The following TRAK1 variants were observed in gnomAD, a reference collection of about 807,000 sequenced individuals.
The protein encoded by TRAK1 is trafficking kinesin-binding protein 1.
TRAK1 carries 33 observed loss-of-function variants against 92.1 expected under a neutral mutation model. The observed-to-expected ratio is 0.36, with a 90% CI of 0.27 to 0.48. The LOEUF (loss-of-function observed/expected upper bound fraction) is 0.48. TRAK1 is among the 20% of genes least tolerant of loss of function. The pLI, the probability that TRAK1 is intolerant of heterozygous loss-of-function variation, is 0.99. For missense variants in TRAK1, 1,123 were observed against 1,257.9 expected (o/e 0.89, Z 1.62); for synonymous variants, 521 against 517.3 (o/e 1.01, Z -0.10).
In TRAK1 at chr3:42,200,880, T is replaced by A; in HGVS notation, c.1253T>A (p.Leu418Gln). 1 of 1,614,176 alleles carries A rather than the reference T, an allele frequency of 6.2e-7. No homozygotes were observed. The highest frequency in any genetic ancestry group is 8.5e-7 in the Non-Finnish European group (1 of 1,180,026). ...NINQVVKQRS[L>Q]TPSPMNIPGS... is the part of the protein sequence containing the mutation. ...AACCAGGTTGTCAAGCAGAGATCTC[T>A]GACCCCTTCTCCCATGAACATCCCC... is the stretch of plus-strand genomic sequence containing the variant. The change falls in exon 12 of 16, where the codon CTG (leucine) becomes CAG (glutamine). Residue 418 changes from leucine to glutamine, a missense_variant. Coordinates refer to ENST00000327628, the MANE Select transcript of TRAK1 (RefSeq NM_001042646.3).
rs558031575 is a variant in TRAK1, at chr3:42,111,234, C to G, written c.92-14186C>G. Among the ~76,000 whole-genome samples, 16 of 152,306 alleles carry G rather than the reference C, an allele frequency of 1.1e-4. No individual in the cohort carries two copies. In the South Asian group the frequency reaches 3.3e-3, roughly 32 times the overall value. On this transcript the variant is annotated intron_variant, in intron 1 of 15. Coordinates refer to ENST00000327628, the MANE Select transcript of TRAK1 (RefSeq NM_001042646.3). Reference sequence around the variant, plus strand: ...CTGACTCCATCTTGCTCTTAACCTCCAAGCTGTCCTTATTCATTCCTGGAC... The same window carrying G: ...CTGACTCCATCTTGCTCTTAACCTCGAAGCTGTCCTTATTCATTCCTGGAC...
chr3:42,119,787 G>A (rs1469386322), intron 1 of TRAK1, among the ~76,000 whole-genome samples: 4 of 152,160 alleles, frequency 2.6e-5, no homozygotes, highest in East Asian at 1.9e-4. Flanking sequence ...CTGGTTGGCC[G>A]TGGGCCCAGC....
chr3:42,045,822 G>A (rs975857331), intron 1 of TRAK1, among the ~76,000 whole-genome samples: 2 of 152,194 alleles, frequency 1.3e-5, no homozygotes, highest in African/African-American at 2.4e-5. Flanking sequence ...ACCACCCTTA[G>A]CCAAGACTCT....
chr3:42,191,684 T>G (rs1356000178), intron 7 of TRAK1, 48 bp downstream of exon 7: 1 of 1,550,380 alleles, frequency 6.5e-7, no homozygotes, highest in Non-Finnish European at 8.7e-7. Flanking sequence ...TCTGCTGTCA[T>G]GATTAGACAG....
intron 1 of TRAK1, among the ~76,000 whole-genome samples, chr3:42,018,087 C>CCA (rs752540329): frequency 8.7e-6 from 1 of 114,302 alleles, no homozygotes; most frequent in South Asian, 3.0e-4. Flanking sequence ...CTCATTGTTA[C>CCA]AAAAAAAAAA....
At chr3:42,031,220 G>A (rs1180688738) in intron 1 of TRAK1, among the ~76,000 whole-genome samples, 1 of 151,230 alleles carries the variant, frequency 6.6e-6, no homozygotes, top group African/African-American at 2.4e-5. Context: ...TGTATTTTTA[G>A]TAGAGATGGG....
chr3:42,219,130 G>A, intron 14 of TRAK1: 1 of 985,414 alleles, frequency 1.0e-6, no homozygotes, highest in Non-Finnish European at 1.2e-6. Flanking sequence ...AGCAGCAAAA[G>A]AAGACAGCAG....
intron 2 of TRAK1, among the ~76,000 whole-genome samples, chr3:42,147,506 A>G (rs1699460018): frequency 6.6e-6 from 1 of 152,190 alleles, no homozygotes. Context: ...AATTTTAGCC[A>G]AAATTCATCA....
chr3:42,043,829 T>TG (rs1702653673), intron 1 of TRAK1, among the ~76,000 whole-genome samples: 1 of 151,232 alleles, frequency 6.6e-6, no homozygotes, highest in African/African-American at 2.4e-5. Context: ...GACCATGCTT[T>TG]GGTCTCTTAA....
intron 2 of TRAK1, among the ~76,000 whole-genome samples, chr3:42,135,225 G>A (rs940335456): frequency 3.3e-5 from 5 of 152,236 alleles, no homozygotes; most frequent in Non-Finnish European, 5.9e-5. Flanking sequence ...TGTATAGGGA[G>A]TGCCTTGAGG....
upstream of TRAK1, among the ~76,000 whole-genome samples, chr3:42,082,270 T>C (rs1284617917): frequency 6.6e-6 from 1 of 152,174 alleles, no homozygotes; most frequent in Non-Finnish European, 1.5e-5. Flanking sequence ...GCGAAAGTTA[T>C]ATAAAGCTTG....
chr3:42,015,549 C>A (rs1474941128), intron 1 of TRAK1, among the ~76,000 whole-genome samples: 1 of 152,172 alleles, frequency 6.6e-6, no homozygotes. Context: ...GCTCTCCCCT[C>A]TCTGGGAGAC....
chr3:42,027,670 A>G (rs1701971484), intron 1 of TRAK1, among the ~76,000 whole-genome samples: 1 of 152,226 alleles, frequency 6.6e-6, no homozygotes, highest in Non-Finnish European at 1.5e-5. Context: ...TAAACTATAC[A>G]GTGAGGCCAG....
At chr3:42,207,405 C>T (rs1708456260) in intron 13 of TRAK1, among the ~76,000 whole-genome samples, 1 of 152,154 alleles carries the variant, frequency 6.6e-6, no homozygotes, top group Non-Finnish European at 1.5e-5. Flanking sequence ...AGCTGGGACA[C>T]TGATGTCCTT....
At chr3:42,203,953 A>G in intron 13 of TRAK1, 1 of 985,866 alleles carries the variant, frequency 1.0e-6, no homozygotes. Context: ...CTATAAGGTA[A>G]GGTTGTGCTT....
chr3:42,160,693 C>G (rs1463376807), intron 2 of TRAK1, among the ~76,000 whole-genome samples: 2 of 151,832 alleles, frequency 1.3e-5, no homozygotes, highest in Non-Finnish European at 2.9e-5. Context: ...GTCCCTTGGT[C>G]CCTTTCTAGT....
intron 4 of TRAK1, among the ~76,000 whole-genome samples, chr3:42,187,551 C>T (rs1383263674): frequency 6.6e-6 from 1 of 151,924 alleles, no homozygotes; most frequent in Non-Finnish European, 1.5e-5. Context: ...CACTACAACC[C>T]CTGCCTCCCG....
intron 4 of TRAK1, among the ~76,000 whole-genome samples, chr3:42,187,667 A>T (rs986018336): frequency 6.6e-6 from 1 of 151,990 alleles, no homozygotes; most frequent in Non-Finnish European, 1.5e-5. Flanking sequence ...GGGTTTCACC[A>T]TGTTGGTCAG....
intron 7 of TRAK1, among the ~76,000 whole-genome samples, chr3:42,192,717 G>A (rs1706007244): frequency 6.6e-6 from 1 of 152,176 alleles, no homozygotes; most frequent in Non-Finnish European, 1.5e-5. Context: ...TGGAATGTGA[G>A]GATGTGGCTA....
Sources: allele counts gnomAD v4.1 joint callset (sites outside exome capture counted in the v4.1 genomes callset), GRCh38; gene constraint gnomAD v4.1.1; transcripts MANE v1.5; gene names NCBI Gene and HGNC (gene_info 2026-07-23, HGNC 2026-07-21).